The following IL1RAPL2 variants were observed in gnomAD, a reference collection of about 807,000 sequenced individuals.
The protein encoded by IL1RAPL2 is X-linked interleukin-1 receptor accessory protein-like 2.
IL1RAPL2 carries 3 observed loss-of-function variants against 44.1 expected under a neutral mutation model. The ratio of observed to expected loss-of-function variants is 0.07; its 90% CI spans 0.03 to 0.18. The LOEUF (loss-of-function observed/expected upper bound fraction) is 0.18, where lower values mean the gene tolerates loss of function less well. Ranked by LOEUF, IL1RAPL2 falls within the 10% of genes least tolerant of loss-of-function variation. IL1RAPL2 has a pLI of 1.00. For synonymous variants in IL1RAPL2, 181 were observed against 178.8 expected, an observed-to-expected ratio of 1.01 and a Z score of -0.10; for missense variants, 391 against 496.4, an observed-to-expected ratio of 0.79 and a Z score of 2.02.
chrX:105,382,681 T>A lies in IL1RAPL2; in HGVS notation c.698-101632T>A, dbSNP rs1449414875. On this transcript the variant is annotated intron_variant, in intron 5 of 10. Coordinates refer to ENST00000372582, the MANE Select transcript of IL1RAPL2 (RefSeq NM_017416.2). ...AAGACACATGCACACATATGTTTATTGCGGCACTATTCACAATAGCAAAGA... is the reference window on the plus strand; with the variant it reads ...AAGACACATGCACACATATGTTTATAGCGGCACTATTCACAATAGCAAAGA... 3.8e-5 allele frequency among the ~76,000 whole-genome samples: 4 copies of A among 105,850 alleles called. No individual in the cohort carries two copies. The Admixed American group carries it at 4.0e-4, about 11-fold the overall frequency. The allele number at this position is 105,850 out of a possible 115,157, so 91.9% of individuals were successfully genotyped here. A position where few individuals can be genotyped will look rare whatever the true frequency, so the allele number is the denominator to read the frequency against.
intron 2 of IL1RAPL2, among the ~76,000 whole-genome samples, chrX:104,774,813 T>C (rs1932692446): frequency 8.9e-6 from 1 of 112,657 alleles, no homozygotes. Context: ...TGAAATTATG[T>C]AATTTGAATG....
At chrX:105,476,151 C>T (rs1404054718) in intron 5 of IL1RAPL2, among the ~76,000 whole-genome samples, 1 of 112,793 alleles carries the variant, frequency 8.9e-6, no homozygotes, top group African/African-American at 3.2e-5. Context: ...TTATTAAAGA[C>T]AATAACTGAC....
intron 2 of IL1RAPL2, among the ~76,000 whole-genome samples, chrX:105,008,219 C>T (rs1569360017): frequency 9.1e-6 from 1 of 110,388 alleles, no homozygotes. Context: ...GGGAGCCAAA[C>T]TTCTGTGCTA....
At chrX:105,267,180 G>T (rs1479495578) in intron 4 of IL1RAPL2, among the ~76,000 whole-genome samples, 1 of 111,507 alleles carries the variant, frequency 9.0e-6, no homozygotes, top group African/African-American at 3.3e-5. Context: ...GGCCTTTGAA[G>T]TGGTTTGTAG....
At chrX:105,069,136 C>A (rs1340806634) in intron 2 of IL1RAPL2, among the ~76,000 whole-genome samples, 2 of 112,125 alleles carry the variant, frequency 1.8e-5, no homozygotes, top group African/African-American at 6.5e-5. Flanking sequence ...TTTCCTTGAC[C>A]TTTTAAACAG....
intron 2 of IL1RAPL2, among the ~76,000 whole-genome samples, chrX:105,158,153 C>T (rs964670876): frequency 3.6e-5 from 4 of 111,126 alleles, no homozygotes; most frequent in Admixed American, 2.8e-4. Flanking sequence ...TTCAGGAGAT[C>T]GAGACCATCC....
chrX:105,165,419 G>A (rs1479101929), intron 2 of IL1RAPL2, among the ~76,000 whole-genome samples: 1 of 111,099 alleles, frequency 9.0e-6, no homozygotes, highest in East Asian at 2.9e-4. Flanking sequence ...CTACTCTACT[G>A]TTCTCTTTGC....
intron 1 of IL1RAPL2, among the ~76,000 whole-genome samples, chrX:104,585,261 A>T (rs1928494895): frequency 3.4e-5 from 1 of 29,344 alleles, no homozygotes; most frequent in Non-Finnish European, 4.9e-5. Context: ...TATAATATAT[A>T]TATAATATAT....
At chrX:104,865,582 G>A (rs1419831293) in intron 2 of IL1RAPL2, among the ~76,000 whole-genome samples, 1 of 111,874 alleles carries the variant, frequency 8.9e-6, no homozygotes, top group Non-Finnish European at 1.9e-5. Flanking sequence ...ACTGGAAGAA[G>A]CAGACACACC....
intron 2 of IL1RAPL2, among the ~76,000 whole-genome samples, chrX:104,885,750 A>T (rs1415435583): frequency 8.9e-6 from 1 of 112,525 alleles, no homozygotes; most frequent in Non-Finnish European, 1.9e-5. Flanking sequence ...AAAATGGAGC[A>T]GGCCAATCAC....
chrX:104,755,293 C>T (rs902867817), intron 2 of IL1RAPL2, among the ~76,000 whole-genome samples: 2 of 110,189 alleles, frequency 1.8e-5, no homozygotes, highest in Non-Finnish European at 3.8e-5. Flanking sequence ...CCCTATGATA[C>T]AGGCAAGGGC....
intron 2 of IL1RAPL2, among the ~76,000 whole-genome samples, chrX:104,855,285 AG>A: frequency 1.8e-5 from 2 of 111,658 alleles, no homozygotes; most frequent in Non-Finnish European, 3.8e-5. Context: ...GAGGCAGCAA[AG>A]TTTGGAGCTA....
In IL1RAPL2 at chrX:105,447,193, ATAT is replaced by A. The variant is rs2035967095; in HGVS notation, c.698-37119_698-37117del. Among the ~76,000 whole-genome samples the A allele has an allele frequency of 1.7e-4, 3 of 17,511 alleles. No homozygotes were observed. In the African/African-American group the frequency reaches 4.2e-3, roughly 25 times the overall value. 15.2% of individuals were successfully genotyped at this position (17,511 alleles called of 115,157 possible). Reference sequence around the variant, plus strand: ...TAAATATATATATAAATATAAATATATATAAATATATATAAATATATATAAAAT... The same window carrying A: ...TAAATATATATATAAATATAAATATAAAATATATATAAATATATATAAAAT... On this transcript the variant is annotated intron_variant, in intron 5 of 10. Transcript: ENST00000372582.
intron 5 of IL1RAPL2, among the ~76,000 whole-genome samples, chrX:105,284,692 T>C (rs1444719913): frequency 1.8e-5 from 2 of 111,789 alleles, no homozygotes; most frequent in Admixed American, 1.9e-4. Flanking sequence ...GAAATATGTA[T>C]TATTATCTTA....
intron 7 of IL1RAPL2, among the ~76,000 whole-genome samples, chrX:105,729,100 A>T (rs762589250): frequency 9.0e-6 from 1 of 111,039 alleles, no homozygotes; most frequent in Non-Finnish European, 1.9e-5. Context: ...TATTGTCTGG[A>T]TGTACCACAA....
rs778917514 is a variant in IL1RAPL2, at chrX:104,680,902, A to G, written c.82+21907A>G. ...TTTACAACTTATCTAATTTATCTAT[A>G]TAGTATTTCAAACTTTGAAACCAAT... On this transcript the variant is annotated intron_variant, in intron 2 of 10. Transcript: ENST00000372582. Among the ~76,000 whole-genome samples the G allele has an allele frequency of 2.7e-5, 3 of 112,383 alleles. No individual in the cohort carries two copies. In the South Asian group the frequency reaches 1.1e-3, roughly 41 times the overall value.
intron 1 of IL1RAPL2, among the ~76,000 whole-genome samples, chrX:104,592,599 C>G (rs1054766975): frequency 1.1e-4 from 12 of 111,484 alleles, no homozygotes; most frequent in African/African-American, 3.3e-4. Flanking sequence ...CAGTCTAAAG[C>G]ACAAGAAGAG....
intron 6 of IL1RAPL2, among the ~76,000 whole-genome samples, chrX:105,714,210 G>T (rs891878523): frequency 9.0e-6 from 1 of 110,917 alleles, no homozygotes; most frequent in Non-Finnish European, 1.9e-5. Context: ...CCAACATTCT[G>T]GTCATAACCC....
At chrX:104,942,349 ATTTG>A (rs1461653990) in intron 2 of IL1RAPL2, among the ~76,000 whole-genome samples, 1 of 111,834 alleles carries the variant, frequency 8.9e-6, no homozygotes, top group Non-Finnish European at 1.9e-5. Context: ...ATGTTCTTCC[ATTTG>A]TTTGTGTCCT....
Sources: gnomAD v4.1 joint callset for allele counts (sites outside exome capture counted in the v4.1 genomes callset) on GRCh38, gnomAD v4.1.1 for gene constraint, MANE v1.5 for transcripts, NCBI Gene and HGNC (gene_info 2026-07-23, HGNC 2026-07-21) for gene names.